KCNIP1: variants seen among roughly 807,000 people sequenced by gnomAD.
KCNIP1 encodes the protein potassium voltage-gated channel interacting protein 1, also known as A-type potassium channel modulatory protein KCNIP1.
A neutral mutation model predicts 33.0 loss-of-function variants in KCNIP1; 18 were observed. The observed-to-expected ratio is 0.55, with a 90% CI of 0.38 to 0.81. KCNIP1 has a LOEUF of 0.81. KCNIP1 is among the 30% of genes least tolerant of loss of function. KCNIP1 has a pLI of 0.00. For missense variants in KCNIP1, 238 were observed against 271.6 expected, an observed-to-expected ratio of 0.88 and a Z score of 0.87; for synonymous variants, 93 against 98.3, an observed-to-expected ratio of 0.95 and a Z score of 0.32.
intron 1 of KCNIP1, among the ~76,000 whole-genome samples, chr5:170,355,265 G>C (rs1019945049): frequency 6.6e-6 from 1 of 152,214 alleles, no homozygotes; most frequent in East Asian, 1.9e-4. Flanking sequence ...GGCCAGAAGT[G>C]GGGTAAACAG....
intron 1 of KCNIP1, among the ~76,000 whole-genome samples, chr5:170,549,918 TA>T (rs1160544174): frequency 6.6e-6 from 1 of 152,244 alleles, no homozygotes; most frequent in African/African-American, 2.4e-5. Context: ...ATGTGGATTA[TA>T]GAGAAAGTAA....
In KCNIP1 at chr5:170,714,837, C is replaced by A. The variant is rs114240541; in HGVS notation, c.62-3921C>A. On this transcript the variant is annotated intron_variant, in intron 1 of 7. Transcript: ENST00000328939. ...AAGAGTCCAAAAGTTTGAAAAAAAA[C>A]CAAATAGTTTGTAAAATAAAGTTAG... is the stretch of plus-strand genomic sequence containing the variant. Among the ~76,000 whole-genome samples the A allele has an allele frequency of 2.3e-3, 349 of 151,750 alleles. 1 individual carries two copies. Among genetic ancestry groups the A allele is most frequent in the African/African-American group, 7.3e-3 (304 of 41,390 alleles).
At chr5:170,660,735 C>T (rs1342633348) in intron 1 of KCNIP1, among the ~76,000 whole-genome samples, 1 of 152,248 alleles carries the variant, frequency 6.6e-6, no homozygotes, top group Admixed American at 6.5e-5. Flanking sequence ...AGCGGGGCTC[C>T]CCAACCCTCC....
intron 1 of KCNIP1, among the ~76,000 whole-genome samples, chr5:170,674,148 GAA>G (rs1221225384): frequency 0.032 from 1,783 of 56,212 alleles, 50 homozygotes; most frequent in African/African-American, 0.12. Flanking sequence ...AGGAAGGAAG[GAA>G]GGAAGGAAGG....
At chr5:170,707,651 G>A (rs959658865) in intron 1 of KCNIP1, among the ~76,000 whole-genome samples, 1 of 152,074 alleles carries the variant, frequency 6.6e-6, no homozygotes, top group African/African-American at 2.4e-5. Context: ...CAACATTTGT[G>A]CTGACCTGAA....
chr5:170,516,033 T>TCA (rs781381855), intron 1 of KCNIP1, among the ~76,000 whole-genome samples: 14 of 152,210 alleles, frequency 9.2e-5, no homozygotes, highest in Non-Finnish European at 1.8e-4. Context: ...ATGTTTTGTA[T>TCA]GCTTGTGACT....
chr5:170,374,363 T>C (rs1471840346), intron 1 of KCNIP1, among the ~76,000 whole-genome samples: 1 of 152,178 alleles, frequency 6.6e-6, no homozygotes, highest in Admixed American at 6.5e-5. Context: ...AGATACATCA[T>C]AAAAGTGAAG....
At chr5:170,370,984 G>C (rs745921299) in intron 1 of KCNIP1, among the ~76,000 whole-genome samples, 3 of 152,232 alleles carry the variant, frequency 2.0e-5, no homozygotes, top group Non-Finnish European at 4.4e-5. Context: ...CAAGCATGCT[G>C]TCAACTCCTG....
Position 170,712,959 on chromosome 5 carries a change from T to C in KCNIP1, c.62-5799T>C. The C allele has an allele frequency of 4.9e-6, 6 of 1,230,296 alleles. No homozygotes were observed. The South Asian group carries it at 7.2e-5, about 15-fold the overall frequency. The allele number at this position is 1,230,296 out of a possible 1,614,324, so 76.2% of individuals were successfully genotyped here. A position where few individuals can be genotyped will look rare whatever the true frequency, so the allele number is the denominator to read the frequency against. On this transcript the variant is annotated intron_variant, in intron 1 of 7. Transcript: ENST00000328939. ...AGGCAGAGCTTCTTAATCAAGCTCA[T>C]GTTTTGTAATTAGTCTTCTCATGCA...
chr5:170,582,894 G>T (rs1757850046), intron 1 of KCNIP1, among the ~76,000 whole-genome samples: 1 of 152,164 alleles, frequency 6.6e-6, no homozygotes, highest in South Asian at 2.1e-4. Flanking sequence ...TGCCTCCTGA[G>T]CCTGCTGTAC....
intron 1 of KCNIP1, among the ~76,000 whole-genome samples, chr5:170,555,948 G>A (rs924644852): frequency 6.6e-6 from 1 of 152,194 alleles, no homozygotes. Context: ...GCCCAGCCTG[G>A]CTTCCAGGTA....
intron 1 of KCNIP1, among the ~76,000 whole-genome samples, chr5:170,451,052 A>G (rs1011162705): frequency 1.3e-5 from 2 of 152,184 alleles, no homozygotes; most frequent in South Asian, 2.1e-4. Flanking sequence ...AGCAGCCCCA[A>G]CTGACGGGAG....
chr5:170,513,720 A>T (rs538434957), intron 1 of KCNIP1, among the ~76,000 whole-genome samples: 1 of 152,358 alleles, frequency 6.6e-6, no homozygotes, highest in South Asian at 2.1e-4. Context: ...GATAATGTTC[A>T]GAATCCCAGA....
intron 1 of KCNIP1, among the ~76,000 whole-genome samples, chr5:170,685,132 T>C (rs1266767879): frequency 2.6e-5 from 4 of 152,050 alleles, no homozygotes; most frequent in Non-Finnish European, 5.9e-5. Flanking sequence ...CTGCGTGGGT[T>C]CCCAATTTGG....
At chr5:170,474,550 C>G (rs58695233) in intron 1 of KCNIP1, among the ~76,000 whole-genome samples, 2 of 152,154 alleles carry the variant, frequency 1.3e-5, no homozygotes, top group African/African-American at 2.4e-5. Flanking sequence ...TTCCATTTAT[C>G]GAGCACCTAG....
At chr5:170,679,568 G>T (rs2113790348) in intron 1 of KCNIP1, among the ~76,000 whole-genome samples, 1 of 151,918 alleles carries the variant, frequency 6.6e-6, no homozygotes, top group African/African-American at 2.4e-5. Flanking sequence ...TCTCTCCAGA[G>T]GCAACTAAAA....
chr5:170,417,962 C>T (rs1469420798), intron 1 of KCNIP1, among the ~76,000 whole-genome samples: 1 of 152,202 alleles, frequency 6.6e-6, no homozygotes, highest in African/African-American at 2.4e-5. Flanking sequence ...TGATGCCCAC[C>T]ACAGGAGTCT....
intron 1 of KCNIP1, among the ~76,000 whole-genome samples, chr5:170,616,391 A>G (rs1306718434): frequency 2.0e-5 from 3 of 152,206 alleles, no homozygotes; most frequent in Non-Finnish European, 4.4e-5. Context: ...GGAGCTTCAC[A>G]TCATCGTAGT....
At chr5:170,393,881 A>C (rs1035170806) in intron 1 of KCNIP1, among the ~76,000 whole-genome samples, 4 of 152,152 alleles carry the variant, frequency 2.6e-5, no homozygotes, top group African/African-American at 9.7e-5. Context: ...TCTTTGAGAC[A>C]AAGAGGAGCA....
Sources: allele counts gnomAD v4.1 joint callset (sites outside exome capture counted in the v4.1 genomes callset), GRCh38; gene constraint gnomAD v4.1.1; transcripts MANE v1.5; gene names NCBI Gene and HGNC (gene_info 2026-07-23, HGNC 2026-07-21).